The following SLC71A1 variants were observed in gnomAD, a reference collection of about 807,000 sequenced individuals.
The protein encoded by SLC71A1 is solute carrier family 71 member 1, also known as hippocampus abundant gene transcript 1.
the SLC71A1 span, among the ~76,000 whole-genome samples, chr1:100,074,867 TC>T: frequency 1.3e-5 from 2 of 152,014 alleles, no homozygotes; most frequent in African/African-American, 4.8e-5. Context: ...AGAGCGAGAC[TC>T]CGTCTCAAAA....
the SLC71A1 span, chr1:100,059,848 G>A: frequency 6.3e-6 from 10 of 1,575,686 alleles, no homozygotes; most frequent in South Asian, 1.2e-4. Context: ...TAGATGTGTG[G>A]TATTCATTTT....
the SLC71A1 span, chr1:100,038,207 C>G: frequency 6.9e-5 from 107 of 1,545,928 alleles, no homozygotes; most frequent in African/African-American, 1.3e-3. Flanking sequence ...GTGGCTGCAG[C>G]AGCGCCAGGA....
chr1:100,052,768 CTT>C, the SLC71A1 span, among the ~76,000 whole-genome samples: 1 of 144,938 alleles, frequency 6.9e-6, no homozygotes. Flanking sequence ...TTTTCTTTTT[CTT>C]TTTTTTTTTA....
the SLC71A1 span, chr1:100,038,177 T>C: frequency 6.8e-7 from 1 of 1,462,436 alleles, no homozygotes; most frequent in Non-Finnish European, 9.4e-7. Flanking sequence ...CACTAGCTGC[T>C]GGGGCCTGCC....
chr1:100,059,253 G>A, the SLC71A1 span, among the ~76,000 whole-genome samples: 3 of 143,970 alleles, frequency 2.1e-5, no homozygotes, highest in Non-Finnish European at 3.0e-5. Flanking sequence ...CTGCCTCCCA[G>A]GTTCAAGCGA....
chr1:100,055,327 G>C, the SLC71A1 span, among the ~76,000 whole-genome samples: 3 of 151,178 alleles, frequency 2.0e-5, no homozygotes, highest in Non-Finnish European at 4.4e-5. Context: ...ATGGCTAGAG[G>C]ACTAGATCTT....
At chr1:100,038,735 C>T in the SLC71A1 span, among the ~76,000 whole-genome samples, 1 of 152,248 alleles carries the variant, frequency 6.6e-6, no homozygotes, top group East Asian at 1.9e-4. Flanking sequence ...GGGCTGGGAA[C>T]CATCCCTGCT....
At chr1:100,060,262 A>C in the SLC71A1 span, among the ~76,000 whole-genome samples, 24 of 152,196 alleles carry the variant, frequency 1.6e-4, no homozygotes, top group Admixed American at 7.9e-4. Flanking sequence ...CCAGAACCCA[A>C]ATTTCAAAAC....
the SLC71A1 span, among the ~76,000 whole-genome samples, chr1:100,074,400 C>T: frequency 6.6e-6 from 1 of 151,950 alleles, no homozygotes; most frequent in Non-Finnish European, 1.5e-5. Flanking sequence ...CATGGTGAAA[C>T]CTCATCTCTA....
the SLC71A1 span, among the ~76,000 whole-genome samples, chr1:100,074,294 G>T: frequency 2.6e-5 from 4 of 152,140 alleles, no homozygotes; most frequent in South Asian, 8.3e-4. Flanking sequence ...TATATTCTTG[G>T]CCGGGCACGG....
At chr1:100,059,450 C>T in the SLC71A1 span, among the ~76,000 whole-genome samples, 1 of 151,590 alleles carries the variant, frequency 6.6e-6, no homozygotes, top group East Asian at 1.9e-4. Flanking sequence ...GTACTGTGCC[C>T]AGCTCAAATT....
chr1:100,078,620 G>A, the SLC71A1 span: 1 of 1,066,570 alleles, frequency 9.4e-7, no homozygotes, highest in Non-Finnish European at 1.4e-6. Context: ...TGTCTCCTAT[G>A]TACTGAAACA....
the SLC71A1 span, among the ~76,000 whole-genome samples, chr1:100,066,803 C>T: frequency 2.6e-5 from 4 of 151,974 alleles, no homozygotes; most frequent in African/African-American, 9.7e-5. Flanking sequence ...TCTTGGCTAA[C>T]ACGGTGAAAC....
the SLC71A1 span, among the ~76,000 whole-genome samples, chr1:100,070,570 T>C: frequency 6.6e-4 from 100 of 152,296 alleles, 3 homozygotes; most frequent in South Asian, 0.02. Flanking sequence ...ATGAATAAGA[T>C]ATTAATCAAC....
the SLC71A1 span, chr1:100,068,672 G>T: frequency 2.4e-6 from 2 of 830,766 alleles, no homozygotes; most frequent in East Asian, 5.0e-5. Flanking sequence ...AACTGTAATA[G>T]AAGTGGCCTT....
the SLC71A1 span, among the ~76,000 whole-genome samples, chr1:100,054,044 T>C: frequency 1.3e-5 from 2 of 149,662 alleles, no homozygotes; most frequent in Non-Finnish European, 3.0e-5. Context: ...TTCTTTCCTT[T>C]TTTTTTTTTT....
At chr1:100,038,281 C>G in the SLC71A1 span, 1 of 1,560,790 alleles carries the variant, frequency 6.4e-7, no homozygotes, top group Non-Finnish European at 8.7e-7. Flanking sequence ...CAGTATCATG[C>G]TGGCCAAGAA....
At chr1:100,051,962 G>A in the SLC71A1 span, among the ~76,000 whole-genome samples, 2 of 152,114 alleles carry the variant, frequency 1.3e-5, no homozygotes, top group Admixed American at 6.5e-5. Flanking sequence ...TGAGGAAACC[G>A]GGGCTTAGAA....
At chr1:100,047,139 G>C in the SLC71A1 span, among the ~76,000 whole-genome samples, 4 of 152,144 alleles carry the variant, frequency 2.6e-5, no homozygotes, top group Non-Finnish European at 5.9e-5. Context: ...TCTTGTTCCA[G>C]ATCTTTGAGG....
Sources: gnomAD v4.1 joint callset for allele counts (sites outside exome capture counted in the v4.1 genomes callset) on GRCh38, gnomAD v4.1.1 for gene constraint, MANE v1.5 for transcripts, NCBI Gene and HGNC (gene_info 2026-07-23, HGNC 2026-07-21) for gene names.